Variants in PRTG observed in about 807,000 individuals in gnomAD.
PRTG encodes immunoglobulin superfamily, DCC subclass, member 5.
PRTG carries 67 observed loss-of-function variants against 122.5 expected under a neutral mutation model. That is an observed-to-expected ratio of 0.55 (90% CI 0.45 to 0.67). PRTG has a LOEUF of 0.67. Ranked by LOEUF, PRTG falls within the 30% of genes least tolerant of loss-of-function variation. The pLI, the probability that PRTG is intolerant of heterozygous loss-of-function variation, is 0.00. For missense variants in PRTG, 1,435 were observed against 1,415.4 expected (o/e 1.01, Z -0.22); for synonymous variants, 554 against 501.1 (o/e 1.11, Z -1.41).
chr15:55,671,445 T>C (rs1171812214), intron 11 of PRTG, among the ~76,000 whole-genome samples: 2 of 152,256 alleles, frequency 1.3e-5, no homozygotes, highest in African/African-American at 4.8e-5. Flanking sequence ...GTGTACATTT[T>C]ATACCTTGAT....
In PRTG at chr15:55,679,528, A is replaced by G. The variant is rs1452334777; in HGVS notation, c.974-83T>C. 3.0e-6 allele frequency: 3 copies of G among 1,013,802 alleles called. No homozygotes were observed. The East Asian group carries it at 8.0e-5, about 27-fold the overall frequency. The allele number at this position is 1,013,802 out of a possible 1,614,324, so 62.8% of individuals were successfully genotyped here. On this transcript the variant is annotated intron_variant, in intron 6 of 19. Transcript: ENST00000389286. The stretch of plus-strand genomic sequence containing the variant: ...GGTCAAGGAAGAAAACAGCAAATGA[A>G]ACAAGCCCCATTCCTGAAGATGCCT...
At chr15:55,686,713 C>A (rs1362573613) in intron 2 of PRTG, among the ~76,000 whole-genome samples, 2 of 152,162 alleles carry the variant, frequency 1.3e-5, no homozygotes, top group African/African-American at 4.8e-5. Flanking sequence ...AAACTCTAGC[C>A]TTATATTCAA....
At chr15:55,732,493 CTTTT>C (rs35478271) in intron 2 of PRTG, among the ~76,000 whole-genome samples, 3 of 130,320 alleles carry the variant, frequency 2.3e-5, no homozygotes, top group Non-Finnish European at 3.2e-5. Flanking sequence ...CCAGGGTAAA[CTTTT>C]TTTTTTTTTT....
In PRTG at chr15:55,740,306, T is replaced by C. The variant is rs1436629541; in HGVS notation, c.397+76A>G. The C allele has an allele frequency of 8.9e-6, 12 of 1,343,388 alleles. No homozygotes were observed. In the East Asian group the frequency reaches 2.5e-4, roughly 28 times the overall value. The allele number at this position is 1,343,388 out of a possible 1,614,324, so 83.2% of individuals were successfully genotyped here. A position where few individuals can be genotyped will look rare whatever the true frequency, so the allele number is the denominator to read the frequency against. On this transcript the variant is annotated intron_variant, in intron 2 of 19. Transcript: ENST00000389286. ...TTAATGCATGCATGATTCGGGGGATTATTATATTAATAAAGCAAGAAATCA... is the reference window on the plus strand; with the variant it reads ...TTAATGCATGCATGATTCGGGGGATCATTATATTAATAAAGCAAGAAATCA...
chr15:55,741,867 T>C (rs1485643394), intron 1 of PRTG, among the ~76,000 whole-genome samples: 3 of 152,240 alleles, frequency 2.0e-5, no homozygotes. Flanking sequence ...GAGCCACATC[T>C]GACTTTGATC....
intron 7 of PRTG, among the ~76,000 whole-genome samples, chr15:55,678,549 A>G (rs1166989090): frequency 6.6e-6 from 1 of 152,212 alleles, no homozygotes; most frequent in East Asian, 1.9e-4. Context: ...TCTGGCTTAT[A>G]GTATCATTTT....
chr15:55,702,803 A>C (rs1034873188), intron 2 of PRTG: 3 of 437,374 alleles, frequency 6.9e-6, no homozygotes, highest in African/African-American at 6.4e-5. Flanking sequence ...CACATGTGCA[A>C]ACACACACAC....
At chr15:55,670,265 A>T (rs2059461977) in intron 11 of PRTG, among the ~76,000 whole-genome samples, 1 of 152,094 alleles carries the variant, frequency 6.6e-6, no homozygotes, top group Non-Finnish European at 1.5e-5. Context: ...CTAATAAATT[A>T]GTCACCTATT....
intron 2 of PRTG, among the ~76,000 whole-genome samples, chr15:55,701,154 T>A (rs1243776701): frequency 6.6e-6 from 1 of 152,232 alleles, no homozygotes; most frequent in East Asian, 1.9e-4. Flanking sequence ...TACCTGGAAC[T>A]CTGATACATT....
Position 55,619,941 on chromosome 15 carries a change from C to A in PRTG, c.*71G>T, listed in dbSNP as rs7163765. On this transcript the variant is annotated 3_prime_UTR_variant, in exon 20 of 20. Coordinates refer to ENST00000389286, the MANE Select transcript of PRTG (RefSeq NM_173814.6). Reference sequence around the variant, plus strand: ...ACTAAGGAGGAAGTCTGCTCACTAACAGATGACACAGCAGGGTCTTCACAC... The same window carrying A: ...ACTAAGGAGGAAGTCTGCTCACTAAAAGATGACACAGCAGGGTCTTCACAC... 83 of 1,584,236 alleles carry A rather than the reference C, an allele frequency of 5.2e-5. No homozygotes were observed. The highest frequency in any genetic ancestry group is 6.5e-5 in the Non-Finnish European group (76 of 1,165,310).
chr15:55,637,144 C>T (rs749327104), intron 15 of PRTG, 26 bp downstream of exon 15: 2 of 1,434,362 alleles, frequency 1.4e-6, no homozygotes, highest in Non-Finnish European at 1.8e-6. Flanking sequence ...TACTTTTCAC[C>T]CTTCATGGCA....
intron 11 of PRTG, among the ~76,000 whole-genome samples, chr15:55,642,477 C>T (rs1396791714): frequency 1.3e-5 from 2 of 151,416 alleles, no homozygotes; most frequent in Non-Finnish European, 2.9e-5. Context: ...ATTAGCCGGA[C>T]GTGATGGCAC....
intron 2 of PRTG, among the ~76,000 whole-genome samples, chr15:55,709,559 T>C (rs2030298209): frequency 6.6e-6 from 1 of 151,956 alleles, no homozygotes; most frequent in East Asian, 1.9e-4. Context: ...AGTTCATAGT[T>C]TACACAATGA....
At chr15:55,719,691 T>G (rs866735074) in intron 2 of PRTG, among the ~76,000 whole-genome samples, 3 of 152,308 alleles carry the variant, frequency 2.0e-5, no homozygotes, top group Middle Eastern at 3.4e-3. Context: ...GTTTAAAAAT[T>G]AGAAATATTT....
chr15:55,620,530 C>G, intron 19 of PRTG, 133 bp downstream of exon 19: 1 of 1,357,192 alleles, frequency 7.4e-7, no homozygotes, highest in South Asian at 1.6e-5. Context: ...GAGCCATGCC[C>G]CAAATTAATA....
intron 11 of PRTG, among the ~76,000 whole-genome samples, chr15:55,643,612 C>T (rs2059304487): frequency 6.6e-6 from 1 of 151,366 alleles, no homozygotes. Flanking sequence ...TTTGTAGAGA[C>T]AAGGACTCAA....
At chr15:55,688,644 G>A (rs921340052) in intron 2 of PRTG, among the ~76,000 whole-genome samples, 1 of 152,098 alleles carries the variant, frequency 6.6e-6, no homozygotes, top group African/African-American at 2.4e-5. Context: ...GACCATCCTG[G>A]CCAACATGGT....
At chr15:55,726,950 CAA>C (rs55954392) in intron 2 of PRTG, among the ~76,000 whole-genome samples, 186 of 133,482 alleles carry the variant, frequency 1.4e-3, no homozygotes, top group Middle Eastern at 0.011. Flanking sequence ...GAGTCCGTCT[CAA>C]AAAAAAAAAA....
intron 2 of PRTG, among the ~76,000 whole-genome samples, chr15:55,726,084 A>G (rs2031021117): frequency 6.6e-6 from 1 of 152,066 alleles, no homozygotes; most frequent in Non-Finnish European, 1.5e-5. Context: ...GTAGGATTAT[A>G]GGCACGTGCC....
Sources: allele counts gnomAD v4.1 joint callset (sites outside exome capture counted in the v4.1 genomes callset), GRCh38; gene constraint gnomAD v4.1.1; transcripts MANE v1.5; gene names NCBI Gene and HGNC (gene_info 2026-07-23, HGNC 2026-07-21).